Variants in SCAPER observed in about 807,000 individuals in gnomAD.
SCAPER encodes the protein S-phase cyclin A associated protein in the ER.
In SCAPER, 98 loss-of-function variants were observed where a neutral mutation model predicts 182.2. That is an observed-to-expected ratio of 0.54 (90% confidence interval 0.46 to 0.64). The LOEUF is 0.64. SCAPER is among the 30% of genes least tolerant of loss of function. The probability of loss-of-function intolerance (pLI) is 0.00; values close to 1 mark genes in which losing one functional copy is unlikely to be tolerated. For missense variants in SCAPER, 1,432 were observed against 1,690.0 expected (o/e 0.85, Z 2.68); for synonymous variants, 605 against 564.6 (o/e 1.07, Z -1.01).
chr15:76,402,759 A>C (rs2044552735), intron 27 of SCAPER, among the ~76,000 whole-genome samples: 1 of 152,092 alleles, frequency 6.6e-6, no homozygotes, highest in South Asian at 2.1e-4. Flanking sequence ...AAAATTTTCA[A>C]AGAAATGAAA....
At chr15:76,629,370 A>G (rs1180448158) in intron 21 of SCAPER, among the ~76,000 whole-genome samples, 1 of 152,224 alleles carries the variant, frequency 6.6e-6, no homozygotes, top group Non-Finnish European at 1.5e-5. Context: ...GCTTTTGCCC[A>G]TTCAGTATGA....
intron 27 of SCAPER, among the ~76,000 whole-genome samples, chr15:76,396,251 TA>T (rs1428555729): frequency 6.6e-6 from 1 of 152,254 alleles, no homozygotes; most frequent in Non-Finnish European, 1.5e-5. Flanking sequence ...TAAAGTCAAG[TA>T]ATGTGATTCT....
At chr15:76,878,403 G>A (rs982220328) in intron 2 of SCAPER, among the ~76,000 whole-genome samples, 2 of 145,850 alleles carry the variant, frequency 1.4e-5, no homozygotes, top group Non-Finnish European at 3.0e-5. Context: ...AATGATACAG[G>A]GGAGTATTTT....
intron 24 of SCAPER, among the ~76,000 whole-genome samples, chr15:76,487,818 A>T (rs1324118591): frequency 1.3e-5 from 2 of 152,074 alleles, no homozygotes; most frequent in African/African-American, 4.8e-5. Context: ...CTTTGACTTA[A>T]CTCCACTAGT....
At chr15:76,358,973 T>C (rs2041201541) in intron 29 of SCAPER, among the ~76,000 whole-genome samples, 2 of 152,206 alleles carry the variant, frequency 1.3e-5, no homozygotes, top group South Asian at 2.1e-4. Context: ...TCTGCTATAG[T>C]CACTTAACTA....
At chr15:76,518,929 A>G (rs1208419522) in intron 23 of SCAPER, among the ~76,000 whole-genome samples, 1 of 152,206 alleles carries the variant, frequency 6.6e-6, no homozygotes, top group African/African-American at 2.4e-5. Flanking sequence ...TGTTTACTGA[A>G]GAGTTAATAT....
rs1364233308 is a variant in SCAPER, at chr15:76,596,911, C to T, written c.2712-22627G>A. On this transcript the variant is annotated intron_variant, in intron 22 of 31. Transcript: ENST00000563290. Reference sequence around the variant, plus strand: ...CTGAAAACCGGCAAAGACAAGGATGCCCTCTCTCACCACTCCTATTCAACA... The same window carrying T: ...CTGAAAACCGGCAAAGACAAGGATGTCCTCTCTCACCACTCCTATTCAACA... Among the ~76,000 whole-genome samples, 9 of 121,738 alleles carry T rather than the reference C, an allele frequency of 7.4e-5. 2 individuals carry two copies. Among genetic ancestry groups the T allele is most frequent in the East Asian group, 2.2e-4 (1 of 4,562 alleles). The allele number at this position is 121,738 out of a possible 152,430, so 79.9% of individuals were successfully genotyped here.
intron 5 of SCAPER, among the ~76,000 whole-genome samples, chr15:76,808,752 C>T (rs1391789170): frequency 2.0e-5 from 3 of 152,208 alleles, no homozygotes; most frequent in African/African-American, 4.8e-5. Context: ...CTCCAGTTAA[C>T]CTGCCTATCT....
At chr15:76,624,220 C>A (rs1343746110) in intron 21 of SCAPER, among the ~76,000 whole-genome samples, 1 of 152,134 alleles carries the variant, frequency 6.6e-6, no homozygotes, top group African/African-American at 2.4e-5. Flanking sequence ...AATCAATGTA[C>A]AAAATCAGTA....
At chr15:76,744,519 T>C (rs907847348) in intron 15 of SCAPER, among the ~76,000 whole-genome samples, 9 of 151,914 alleles carry the variant, frequency 5.9e-5, no homozygotes, top group African/African-American at 2.2e-4. Flanking sequence ...AGTGTCCAAC[T>C]AACATGAAAA....
rs181915808 is a variant in SCAPER at position 76,880,612 on chromosome 15, C to T, written c.6+3200G>A. On this transcript the variant is annotated intron_variant, in intron 2 of 31. Transcript: ENST00000563290. ...CAATTGGCAGATAAGAAAAACTTTA[C>T]TATATCTTACCTGCTAGAGTTTTAA... is the stretch of plus-strand genomic sequence containing the variant. Among the ~76,000 whole-genome samples, 487 of 152,016 alleles carry T rather than the reference C, an allele frequency of 3.2e-3. 5 individuals carry two copies. The highest frequency in any genetic ancestry group is 0.011 in the African/African-American group (465 of 41,452).
intron 17 of SCAPER, among the ~76,000 whole-genome samples, chr15:76,727,227 C>A (rs1451270816): frequency 1.3e-5 from 2 of 151,922 alleles, no homozygotes; most frequent in South Asian, 2.1e-4. Context: ...CAATTCCAAT[C>A]AAAATTTTAT....
chr15:76,631,387 CTGGTCTGTG>C (rs1365396024), intron 21 of SCAPER, among the ~76,000 whole-genome samples: 1 of 152,154 alleles, frequency 6.6e-6, no homozygotes, highest in Non-Finnish European at 1.5e-5. Context: ...CATAATGTCA[CTGGTCTGTG>C]TATGTCAGCG....
chr15:76,563,512 T>C (rs1025556539), intron 23 of SCAPER, among the ~76,000 whole-genome samples: 3 of 152,056 alleles, frequency 2.0e-5, no homozygotes, highest in African/African-American at 7.2e-5. Context: ...AGCTCTGAAA[T>C]GGATGCAGTA....
At chr15:76,381,720 T>C in intron 27 of SCAPER, 105 bp from the exon 28 acceptor site, 1 of 896,536 alleles carries the variant, frequency 1.1e-6, no homozygotes, top group South Asian at 1.7e-5. Context: ...AAACAAACCA[T>C]CTGAGTTGTA....
chr15:76,522,440 T>C (rs1259180516), intron 23 of SCAPER, among the ~76,000 whole-genome samples: 3 of 152,172 alleles, frequency 2.0e-5, no homozygotes, highest in Non-Finnish European at 2.9e-5. Flanking sequence ...TTTTAAGTTT[T>C]ATATTTTGAG....
intron 14 of SCAPER, among the ~76,000 whole-genome samples, chr15:76,761,101 A>C (rs12910382): frequency 0.38 from 57,714 of 151,864 alleles, 13,031 homozygotes; most frequent in Middle Eastern, 0.53. Context: ...TATTTCTAGG[A>C]ATTTATCCAC....
At chr15:76,788,675 T>TA (rs2064789473) in intron 8 of SCAPER, among the ~76,000 whole-genome samples, 2 of 152,330 alleles carry the variant, frequency 1.3e-5, no homozygotes, top group East Asian at 1.9e-4. Context: ...ACTTCATAGA[T>TA]ACGGACTTTG....
At chr15:76,498,012 A>AAT (rs1305947635) in intron 24 of SCAPER, among the ~76,000 whole-genome samples, 3 of 144,260 alleles carry the variant, frequency 2.1e-5, no homozygotes, top group Non-Finnish European at 4.5e-5. Flanking sequence ...AAAAAAAAAA[A>AAT]AAAAAAAATA....
Sources: gnomAD v4.1 joint callset for allele counts (sites outside exome capture counted in the v4.1 genomes callset) on GRCh38, gnomAD v4.1.1 for gene constraint, MANE v1.5 for transcripts, NCBI Gene and HGNC (gene_info 2026-07-23, HGNC 2026-07-21) for gene names.